Variants in GREB1L observed in about 807,000 individuals in gnomAD.
GREB1L encodes the protein GREB1-like protein.
A neutral mutation model predicts 200.8 loss-of-function variants in GREB1L; 17 were observed. The ratio of observed to expected loss-of-function variants is 0.08; its 90% CI spans 0.06 to 0.13. GREB1L has a LOEUF of 0.13. Among genes scored for constraint, GREB1L ranks in the 10% least tolerant of loss-of-function variants. The pLI is 1.00. For missense variants in GREB1L, 1,657 were observed against 2,367.7 expected (o/e 0.70, Z 6.23); for synonymous variants, 789 against 893.0 (o/e 0.88, Z 2.08).
At chr18:21,492,842 T>G (rs998825059) in intron 19 of GREB1L, among the ~76,000 whole-genome samples, 6 of 152,196 alleles carry the variant, frequency 3.9e-5, no homozygotes, top group African/African-American at 1.4e-4. Flanking sequence ...TCCCAGCTAC[T>G]TGGGAGCCTG....
intron 1 of GREB1L, among the ~76,000 whole-genome samples, chr18:21,286,013 G>C (rs1349098256): frequency 6.6e-6 from 1 of 152,088 alleles, no homozygotes; most frequent in African/African-American, 2.4e-5. Flanking sequence ...ATTTTCTTTT[G>C]AACTTGGAAT....
At chr18:21,444,158 C>A in intron 10 of GREB1L, 66 bp from the exon 11 acceptor site, 2 of 1,138,756 alleles carry the variant, frequency 1.8e-6, no homozygotes, top group Non-Finnish European at 2.5e-6. Context: ...CGTCGTTGAG[C>A]AAGTGTACCT....
intron 1 of GREB1L, among the ~76,000 whole-genome samples, chr18:21,253,105 C>T (rs1159164591): frequency 6.6e-6 from 1 of 152,004 alleles, no homozygotes; most frequent in Non-Finnish European, 1.5e-5. Context: ...ATCAATCTAC[C>T]CTGAGAGGAA....
rs771987297 is a variant in GREB1L, at chr18:21,520,719, A to G, written c.5504A>G (p.His1835Arg). 4 of 1,551,046 alleles carry G rather than the reference A, an allele frequency of 2.6e-6. No individual in the cohort carries two copies. In the African/African-American group the frequency reaches 5.5e-5, roughly 21 times the overall value. ...ATATGCTATATCAGCTCCAGACCCC[A>G]CTCCAGCAATGTCAACTGTGAAGGG... ...VAICYISSRP[H>R]SSNVNCEGVF... is the part of the protein sequence containing the mutation. The change falls in exon 32 of 33, where the codon CAC becomes CGC. Residue 1835 changes from histidine (H) to arginine (R), a missense_variant. Physicochemically the swap from His to Arg is conservative, Grantham distance 29. Coordinates refer to ENST00000424526, the MANE Select transcript of GREB1L (RefSeq NM_001142966.3).
chr18:21,431,726 C>A (rs2033164401), intron 7 of GREB1L, among the ~76,000 whole-genome samples: 1 of 152,000 alleles, frequency 6.6e-6, no homozygotes, highest in African/African-American at 2.4e-5. Flanking sequence ...AAGTACCCAA[C>A]CCTTGTTATT....
At chr18:21,370,179 C>G (rs1388042583) in intron 2 of GREB1L, among the ~76,000 whole-genome samples, 2 of 151,942 alleles carry the variant, frequency 1.3e-5, no homozygotes, top group Non-Finnish European at 2.9e-5. Context: ...TCTCTTCAGA[C>G]CTGTTTAATA....
At chr18:21,288,531 T>C (rs1049704041) in intron 1 of GREB1L, among the ~76,000 whole-genome samples, 3 of 152,270 alleles carry the variant, frequency 2.0e-5, no homozygotes, top group Non-Finnish European at 4.4e-5. Flanking sequence ...GCTCCCATTT[T>C]ATATTAATTG....
intron 1 of GREB1L, among the ~76,000 whole-genome samples, chr18:21,285,611 C>T (rs963011419): frequency 1.3e-5 from 2 of 152,152 alleles, no homozygotes; most frequent in African/African-American, 4.8e-5. Context: ...ACCAGAACCT[C>T]CTCAAAATGT....
chr18:21,470,409 TAATA>T (rs2035438179), intron 15 of GREB1L, among the ~76,000 whole-genome samples: 1 of 152,318 alleles, frequency 6.6e-6, no homozygotes, highest in East Asian at 1.9e-4. Context: ...TTAACATAAT[TAATA>T]GTTTCATCAT....
chr18:21,279,602 A>T (rs2038232415), intron 1 of GREB1L, among the ~76,000 whole-genome samples: 1 of 152,208 alleles, frequency 6.6e-6, no homozygotes, highest in Non-Finnish European at 1.5e-5. Flanking sequence ...CTGCGAATTT[A>T]GCGGGTTTAA....
At chr18:21,254,403 T>C (rs549462821) in intron 1 of GREB1L, among the ~76,000 whole-genome samples, 168 of 152,194 alleles carry the variant, frequency 1.1e-3, no homozygotes, top group Non-Finnish European at 2.1e-3. Context: ...TGCATGACTC[T>C]ACTTTCTGTT....
intron 23 of GREB1L, among the ~76,000 whole-genome samples, chr18:21,500,859 G>A (rs992180907): frequency 2.0e-5 from 3 of 152,048 alleles, no homozygotes; most frequent in African/African-American, 4.8e-5. Context: ...ACCTGAGATG[G>A]GGAGTTCAAG....
At position 21,505,350 on chromosome 18, in the gene GREB1L, C is replaced by T. The variant is rs374656434; in HGVS notation, c.4073-62C>T. ...CTCTACGTCCCATAAAAGCCATTCT[C>T]TCTGACACATGGGGAAGAGGGAGGC... On this transcript the variant is annotated intron_variant, in intron 23 of 32. Transcript: ENST00000424526. 55 of 1,469,528 alleles carry T rather than the reference C, an allele frequency of 3.7e-5. 1 individual carries two copies. The East Asian group carries it at 1.3e-3, about 34-fold the overall frequency. The allele number at this position is 1,469,528 out of a possible 1,614,324, so 91.0% of individuals were successfully genotyped here. A position where few individuals can be genotyped will look rare whatever the true frequency, so the allele number is the denominator to read the frequency against.
chr18:21,437,447 G>A lies in GREB1L; in HGVS notation c.833-2074G>A, dbSNP rs145454955. 7.0e-4 allele frequency among the ~76,000 whole-genome samples: 107 copies of A among 152,194 alleles called. No homozygotes were observed. In the Middle Eastern group the frequency reaches 0.01, roughly 15 times the overall value. On this transcript the variant is annotated intron_variant, in intron 7 of 32. Transcript: ENST00000424526. Reference sequence around the variant, plus strand: ...ATGAAAGGCTGAACAACTTTATAATGCCAAGGATTATGCTGACAACTTTTG... The same window carrying A: ...ATGAAAGGCTGAACAACTTTATAATACCAAGGATTATGCTGACAACTTTTG...
At chr18:21,345,733 A>G (rs1307866285) in intron 1 of GREB1L, among the ~76,000 whole-genome samples, 1 of 151,974 alleles carries the variant, frequency 6.6e-6, no homozygotes, top group Non-Finnish European at 1.5e-5. Flanking sequence ...TGAGCCAAGC[A>G]TGGTGGCATG....
At chr18:21,315,539 T>A (rs1012501613) in intron 1 of GREB1L, among the ~76,000 whole-genome samples, 4 of 152,184 alleles carry the variant, frequency 2.6e-5, no homozygotes, top group African/African-American at 9.7e-5. Context: ...AATTTAGGAA[T>A]CATTTAAATG....
chr18:21,444,203 G>T, intron 10 of GREB1L, 21 bp from the exon 11 acceptor site: 2 of 1,535,462 alleles, frequency 1.3e-6, no homozygotes, highest in South Asian at 2.4e-5. Flanking sequence ...GAACTGTACT[G>T]ACCTGCTTCT....
intron 28 of GREB1L, among the ~76,000 whole-genome samples, 173 bp downstream of exon 28, chr18:21,514,159 T>G (rs1042395697): frequency 6.6e-6 from 1 of 152,210 alleles, no homozygotes; most frequent in African/African-American, 2.4e-5. Flanking sequence ...AATCTTTTAT[T>G]TAGACATTCA....
Position 21,428,163 on chromosome 18 carries a change from G to A in GREB1L, c.833-11358G>A, listed in dbSNP as rs2032768732. On this transcript the variant is annotated intron_variant, in intron 7 of 32. Transcript: ENST00000424526. ...CGAGATTGCGCCACTGCAGTCCGCA[G>A]TCCGGCCTGGGCGACAGAGCGAGAC... Among the ~76,000 whole-genome samples the A allele has an allele frequency of 1.1e-4, 14 of 128,714 alleles. No individual in the cohort carries two copies. The Admixed American group carries it at 1.3e-3, about 12-fold the overall frequency. The allele number at this position is 128,714 out of a possible 152,430, so 84.4% of individuals were successfully genotyped here.
Sources: gnomAD v4.1 joint callset for allele counts (sites outside exome capture counted in the v4.1 genomes callset) on GRCh38, gnomAD v4.1.1 for gene constraint, MANE v1.5 for transcripts, NCBI Gene and HGNC (gene_info 2026-07-23, HGNC 2026-07-21) for gene names.